Variants in HADHB observed in about 807,000 individuals in gnomAD.
The protein encoded by HADHB is trifunctional enzyme subunit beta, mitochondrial.
Under a neutral mutation model 61.9 loss-of-function variants are expected in HADHB, and 50 were observed. That is an observed-to-expected ratio of 0.81 (90% CI 0.64 to 1.02). The LOEUF (loss-of-function observed/expected upper bound fraction) is 1.02. Among genes scored for constraint, HADHB ranks in the 50% least tolerant of loss-of-function variants. HADHB has a pLI of 0.00. For synonymous variants in HADHB, 191 were observed against 201.6 expected (o/e 0.95, Z 0.45); for missense variants, 504 against 586.5 (o/e 0.86, Z 1.45).
rs34696184 is a variant in HADHB, at chr2:26,277,233, CTTTT to C, written c.442+92_442+95del. Reference sequence around the variant, plus strand: ...TCTTTTACTTGATTATAAAAATGTACTTTTTTTTTTTTTTTTTTTTTTAACACAG... The same window carrying C: ...TCTTTTACTTGATTATAAAAATGTACTTTTTTTTTTTTTTTTTTAACACAG... On this transcript the variant is annotated intron_variant, in intron 7 of 15. Transcript: ENST00000317799. 0.016 allele frequency: 7,110 copies of C among 433,028 alleles called. 6 individuals carry two copies. The highest frequency in any genetic ancestry group is 0.025 in the African/African-American group (994 of 39,686). 26.8% of individuals were successfully genotyped at this position (433,028 alleles called of 1,614,324 possible). A position where few individuals can be genotyped will look rare whatever the true frequency, so the allele number is the denominator to read the frequency against.
In HADHB at chr2:26,282,863, A is replaced by G. The variant is rs765782727; in HGVS notation, c.952A>G (p.Met318Val). 9.3e-6 allele frequency: 15 copies of G among 1,612,442 alleles called. No individual in the cohort carries two copies. In the Middle Eastern group the frequency reaches 7.0e-4, roughly 75 times the overall value. Residue 318 changes from methionine to valine, a missense_variant, in exon 11 of 16, where the codon ATG becomes GTG. By Grantham distance (21) the Met-to-Val change is conservative (BLOSUM62 1). Coordinates refer to ENST00000317799, the MANE Select transcript of HADHB (RefSeq NM_000183.3). ...SSFLTDGASA[M>V]LIMAEEKALA... Reference sequence around the variant, plus strand: ...ATTTCAGACTGATGGTGCATCTGCAATGTTAATCATGGCGGAGGAAAAGGC... The same window carrying G: ...ATTTCAGACTGATGGTGCATCTGCAGTGTTAATCATGGCGGAGGAAAAGGC...
chr2:26,283,802 C>T (rs561758413), intron 12 of HADHB, among the ~76,000 whole-genome samples: 262 of 152,314 alleles, frequency 1.7e-3, no homozygotes, highest in Non-Finnish European at 3.1e-3. Context: ...TCCACTGTGA[C>T]GTTCACATCA....
At chr2:26,264,012 G>C (rs1263891639) in intron 4 of HADHB, among the ~76,000 whole-genome samples, 2 of 152,088 alleles carry the variant, frequency 1.3e-5, no homozygotes, top group African/African-American at 4.8e-5. Context: ...TTGGCCTTTT[G>C]TGCTTCTTTT....
At chr2:26,267,617 C>T (rs1034056713) in intron 4 of HADHB, among the ~76,000 whole-genome samples, 1 of 150,568 alleles carries the variant, frequency 6.6e-6, no homozygotes, top group Non-Finnish European at 1.5e-5. Flanking sequence ...ACTAAAAATA[C>T]AAAAATTAGC....
intron 1 of HADHB, among the ~76,000 whole-genome samples, chr2:26,252,487 C>T (rs1465121900): frequency 6.6e-6 from 1 of 152,104 alleles, no homozygotes; most frequent in Non-Finnish European, 1.5e-5. Context: ...TTCTTCCAGC[C>T]AACAATTATT....
intron 1 of HADHB, among the ~76,000 whole-genome samples, chr2:26,251,323 A>G (rs1671390100): frequency 6.6e-6 from 1 of 151,880 alleles, no homozygotes; most frequent in Non-Finnish European, 1.5e-5. Flanking sequence ...AGTAGCTGCG[A>G]CTACAGGCAC....
intron 3 of HADHB, among the ~76,000 whole-genome samples, chr2:26,255,158 T>G (rs186803389): frequency 6.6e-6 from 1 of 152,302 alleles, no homozygotes; most frequent in Non-Finnish European, 1.5e-5. Context: ...GACCCATGCC[T>G]TTGATTTTGG....
At position 26,278,666 on chromosome 2, in the gene HADHB, T is replaced by C; in HGVS notation, c.495T>C (p.Val165=). ...GTGATGTGATCGTGGCAGGTGGTGT[T>C]GAGTTGATGTCCGATGTCCCTATTC... ...GQCDVIVAGG[V]ELMSDVPIRH... The change falls in exon 8 of 16, where the codon GTT becomes GTC. Residue 165 remains valine, a synonymous_variant. Coordinates refer to ENST00000317799, the MANE Select transcript of HADHB (RefSeq NM_000183.3). 6.2e-7 allele frequency: 1 copy of C among 1,613,974 alleles called. No individual in the cohort carries two copies. The highest frequency in any genetic ancestry group is 1.3e-5 in the African/African-American group (1 of 75,042).
Position 26,280,581 on chromosome 2 carries a change from G to A in HADHB, c.933+466G>A, listed in dbSNP as rs986867140. Among the ~76,000 whole-genome samples the A allele has an allele frequency of 3.9e-5, 6 of 152,026 alleles. No homozygotes were observed. The South Asian group carries it at 6.2e-4, about 16-fold the overall frequency. On this transcript the variant is annotated intron_variant, in intron 10 of 15. Coordinates refer to ENST00000317799, the MANE Select transcript of HADHB (RefSeq NM_000183.3). ...TTAAAAGGCATTTCAGGCCGGGTGC[G>A]GTGGCTCACGCCTGTAATCCCAGCA... is the stretch of plus-strand genomic sequence containing the variant.
At chr2:26,250,652 G>GTTT (rs528872282) in intron 1 of HADHB, among the ~76,000 whole-genome samples, 4 of 136,176 alleles carry the variant, frequency 2.9e-5, no homozygotes, top group Non-Finnish European at 3.2e-5. Flanking sequence ...TGTCTCTAAA[G>GTTT]TTTTTTTTTT....
intron 15 of HADHB, 24 bp downstream of exon 15, chr2:26,285,595 AC>A (rs1329180541): frequency 3.1e-6 from 5 of 1,592,176 alleles, no homozygotes; most frequent in Middle Eastern, 1.7e-4. Flanking sequence ...GTGTCATAGG[AC>A]CCTCCAGAGA....
At chr2:26,257,025 A>T (rs1241384612) in intron 3 of HADHB, among the ~76,000 whole-genome samples, 1 of 150,462 alleles carries the variant, frequency 6.6e-6, no homozygotes, top group African/African-American at 2.4e-5. Context: ...GCTTTTTCTT[A>T]TTTATTTATA....
At chr2:26,263,555 C>A in intron 4 of HADHB, 76 bp downstream of exon 4, 2 of 898,004 alleles carry the variant, frequency 2.2e-6, no homozygotes, top group East Asian at 2.4e-5. Flanking sequence ...AAATGTAACC[C>A]AGTAGGTAAT....
At chr2:26,248,587 A>G (rs1245527467) in intron 1 of HADHB, among the ~76,000 whole-genome samples, 2 of 152,198 alleles carry the variant, frequency 1.3e-5, no homozygotes, top group Non-Finnish European at 2.9e-5. Context: ...TCTGATCTAT[A>G]ACTACAAAAT....
chr2:26,278,702 G>A lies in HADHB; in HGVS notation c.531G>A (p.Arg177=). The A allele has an allele frequency of 1.9e-6, 3 of 1,614,034 alleles. No individual in the cohort carries two copies. Among genetic ancestry groups the A allele is most frequent in the African/African-American group, 2.7e-5 (2 of 75,048 alleles). The change falls in exon 8 of 16, where the codon AGG becomes AGA. Residue 177 remains arginine (R), a synonymous_variant. Coordinates refer to ENST00000317799, the MANE Select transcript of HADHB (RefSeq NM_000183.3). ...LMSDVPIRHS[R]KMRKLMLDLN... is the part of the protein sequence containing the mutation. The stretch of plus-strand genomic sequence containing the variant: ...CCGATGTCCCTATTCGTCACTCAAG[G>A]AAAATGAGAAAACTGATGCTTGATC...
At chr2:26,271,791 T>A (rs561792392) in intron 5 of HADHB, among the ~76,000 whole-genome samples, 59 of 152,136 alleles carry the variant, frequency 3.9e-4, no homozygotes, top group African/African-American at 1.4e-3. Flanking sequence ...CAAAAAAAAA[T>A]TTTAAAAATT....
intron 3 of HADHB, among the ~76,000 whole-genome samples, chr2:26,262,921 T>TA (rs1032388621): frequency 2.6e-5 from 4 of 151,794 alleles, no homozygotes; most frequent in African/African-American, 7.2e-5. Flanking sequence ...AGCCTTTTTT[T>TA]AAAAAAAAAT....
At chr2:26,254,911 A>G (rs1285479722) in intron 3 of HADHB, 1 of 184,518 alleles carries the variant, frequency 5.4e-6, no homozygotes, top group African/African-American at 2.4e-5. Context: ...CCATTCCTGA[A>G]ATAGAAGTGA....
intron 10 of HADHB, among the ~76,000 whole-genome samples, chr2:26,281,941 C>T (rs138065871): frequency 4.0e-5 from 6 of 151,090 alleles, no homozygotes; most frequent in Admixed American, 1.3e-4. Context: ...TGGTAAAGGA[C>T]GTTTTTTCAG....
Sources: allele counts gnomAD v4.1 joint callset (sites outside exome capture counted in the v4.1 genomes callset), GRCh38; gene constraint gnomAD v4.1.1; transcripts MANE v1.5; gene names NCBI Gene and HGNC (gene_info 2026-07-23, HGNC 2026-07-21).